The following NCAM2 variants were observed in gnomAD, a reference collection of about 807,000 sequenced individuals.
The protein encoded by NCAM2 is N-CAM-2.
Under a neutral mutation model 98.1 loss-of-function variants are expected in NCAM2, and 30 were observed. The observed-to-expected ratio is 0.31, with a 90% CI of 0.23 to 0.41. The LOEUF is 0.41. Ranked by LOEUF, NCAM2 falls within the 10% of genes least tolerant of loss-of-function variation. NCAM2 has a pLI of 1.00. For missense variants in NCAM2, 867 were observed against 1,005.8 expected (o/e 0.86, Z 1.87); for synonymous variants, 368 against 342.4 (o/e 1.07, Z -0.83).
At chr21:21,305,916 A>G (rs1169174261) in intron 5 of NCAM2, among the ~76,000 whole-genome samples, 1 of 152,018 alleles carries the variant, frequency 6.6e-6, no homozygotes, top group African/African-American at 2.4e-5. Flanking sequence ...CTTCAACTTT[A>G]TTTCACAAGT....
rs548863485 is a variant in NCAM2 at position 21,031,660 on chromosome 21, C to T, written c.55+33042C>T. 4.6e-5 allele frequency among the ~76,000 whole-genome samples: 7 copies of T among 152,292 alleles called. No homozygotes were observed. The South Asian group carries it at 1.0e-3, about 23-fold the overall frequency. ...CAATATGCAAGTAGGCAGTGATGGA[C>T]GTTGATTTGACAAGCAAATTAAAGC... On this transcript the variant is annotated intron_variant, in intron 1 of 17. Transcript: ENST00000400546.
At chr21:21,272,890 G>A (rs1487542644) in intron 1 of NCAM2, among the ~76,000 whole-genome samples, 2 of 132,298 alleles carry the variant, frequency 1.5e-5, no homozygotes, top group African/African-American at 2.8e-5. Flanking sequence ...TAATGTATTA[G>A]CAAATATGTT....
intron 8 of NCAM2, among the ~76,000 whole-genome samples, chr21:21,373,189 G>A (rs1330898474): frequency 2.0e-5 from 3 of 151,692 alleles, no homozygotes; most frequent in Non-Finnish European, 2.9e-5. Context: ...TGACTTTTAC[G>A]TGAAGTACCA....
At chr21:21,265,075 T>C (rs2072143212) in intron 1 of NCAM2, among the ~76,000 whole-genome samples, 1 of 121,752 alleles carries the variant, frequency 8.2e-6, no homozygotes, top group South Asian at 2.4e-4. Context: ...TGTGTATATA[T>C]ATACACACAT....
chr21:21,459,527 T>G (rs561544329), intron 12 of NCAM2, among the ~76,000 whole-genome samples: 1 of 148,302 alleles, frequency 6.7e-6, no homozygotes, highest in Non-Finnish European at 1.5e-5. Context: ...ATATATTATA[T>G]ATAATATTGT....
chr21:21,379,570 T>C (rs2076106415), intron 9 of NCAM2, among the ~76,000 whole-genome samples: 1 of 152,090 alleles, frequency 6.6e-6, no homozygotes, highest in Non-Finnish European at 1.5e-5. Flanking sequence ...TTCCTTGATA[T>C]TTTGCTGTTA....
At position 21,152,554 on chromosome 21, in the gene NCAM2, A is replaced by T. The variant is rs150124341; in HGVS notation, c.56-128024A>T. 2.6e-3 allele frequency among the ~76,000 whole-genome samples: 402 copies of T among 152,112 alleles called. 8 individuals are homozygous for T. The South Asian group carries it at 0.042, about 16-fold the overall frequency. On this transcript the variant is annotated intron_variant, in intron 1 of 17. Coordinates refer to ENST00000400546, the MANE Select transcript of NCAM2 (RefSeq NM_004540.5). ...CAACAATTGAAACATTTCAGGGTTA[A>T]GATGATCTGCTTAAGCCCTGTTTTA...
chr21:21,534,472 G>T, intron 16 of NCAM2, 65 bp from the exon 17 acceptor site: 3 of 1,329,716 alleles, frequency 2.3e-6, no homozygotes, highest in Admixed American at 2.7e-5. Flanking sequence ...TTTAAACTCT[G>T]TTTTTTTCCA....
At chr21:21,181,889 A>AT (rs1399594199) in intron 1 of NCAM2, among the ~76,000 whole-genome samples, 1 of 151,910 alleles carries the variant, frequency 6.6e-6, no homozygotes, top group Non-Finnish European at 1.5e-5. Flanking sequence ...ACAGGAAATA[A>AT]TTTTTGTTTA....
intron 1 of NCAM2, among the ~76,000 whole-genome samples, chr21:21,247,373 G>C (rs2826751): frequency 0.096 from 14,585 of 152,006 alleles, 1,472 homozygotes; most frequent in East Asian, 0.51. Flanking sequence ...TTGCTTCTAG[G>C]GCTGTTTCAA....
At chr21:21,082,205 G>A (rs1278983865) in intron 1 of NCAM2, among the ~76,000 whole-genome samples, 3 of 141,538 alleles carry the variant, frequency 2.1e-5, no homozygotes, top group Non-Finnish European at 4.5e-5. Context: ...TCCAGCCTGG[G>A]CGACAGAGTG....
At chr21:21,495,714 G>A (rs1033686752) in intron 15 of NCAM2, among the ~76,000 whole-genome samples, 1 of 151,904 alleles carries the variant, frequency 6.6e-6, no homozygotes, top group African/African-American at 2.4e-5. Flanking sequence ...ATCACACACA[G>A]TTTCATACAT....
At position 21,348,623 on chromosome 21, in the gene NCAM2, A is replaced by T. The variant is rs529526463; in HGVS notation, c.1044+10089A>T. Among the ~76,000 whole-genome samples, 81 of 152,144 alleles carry T rather than the reference A, an allele frequency of 5.3e-4. No individual in the cohort carries two copies. In the East Asian group the frequency reaches 0.014, roughly 25 times the overall value. ...CTAAAATTTATATGGAACACAAAAG[A>T]CTCATAATAGCCAAAGCAAAAAGAA... is the stretch of plus-strand genomic sequence containing the variant. On this transcript the variant is annotated intron_variant, in intron 8 of 17. Transcript: ENST00000400546.
intron 1 of NCAM2, among the ~76,000 whole-genome samples, chr21:21,112,066 ATTTTAATTAT>A (rs1381642079): frequency 6.6e-6 from 1 of 152,136 alleles, no homozygotes; most frequent in Admixed American, 6.6e-5. Flanking sequence ...ACATTCTCTT[ATTTTAATTAT>A]GATAATTCTT....
chr21:21,471,336 T>C (rs1488546460), intron 14 of NCAM2, among the ~76,000 whole-genome samples: 4 of 152,034 alleles, frequency 2.6e-5, no homozygotes, highest in African/African-American at 9.7e-5. Context: ...CAATTGGAGA[T>C]ACCATGATTG....
At chr21:21,379,904 A>G (rs1389812641) in intron 9 of NCAM2, among the ~76,000 whole-genome samples, 1 of 152,058 alleles carries the variant, frequency 6.6e-6, no homozygotes, top group East Asian at 1.9e-4. Context: ...GGACCAAGAA[A>G]CCCAGTCCGA....
intron 9 of NCAM2, among the ~76,000 whole-genome samples, chr21:21,397,164 G>A (rs1395880551): frequency 1.3e-5 from 2 of 152,292 alleles, no homozygotes; most frequent in African/African-American, 4.8e-5. Flanking sequence ...GGCTCAGAGG[G>A]AGGAAGTGCT....
chr21:21,168,140 T>C (rs570354786), intron 1 of NCAM2, among the ~76,000 whole-genome samples: 3 of 152,146 alleles, frequency 2.0e-5, no homozygotes, highest in South Asian at 4.1e-4. Flanking sequence ...GGTGTGTAAG[T>C]CTGGTTCAAC....
intron 9 of NCAM2, among the ~76,000 whole-genome samples, chr21:21,381,827 A>G (rs1020731731): frequency 1.3e-5 from 2 of 152,016 alleles, no homozygotes; most frequent in African/African-American, 2.4e-5. Flanking sequence ...TTCATTTTTG[A>G]AGATCCCAAT....
Sources: gnomAD v4.1 joint callset for allele counts (sites outside exome capture counted in the v4.1 genomes callset) on GRCh38, gnomAD v4.1.1 for gene constraint, MANE v1.5 for transcripts, NCBI Gene and HGNC (gene_info 2026-07-23, HGNC 2026-07-21) for gene names.